NTM: variants seen among roughly 807,000 people sequenced by gnomAD.
The protein encoded by NTM is neurotrimin, also known as IgLON family member 2.
In NTM, 13 loss-of-function variants were observed where a neutral mutation model predicts 42.1. The observed-to-expected ratio is 0.31, with a 90% CI of 0.20 to 0.49. The LOEUF (loss-of-function observed/expected upper bound fraction) is 0.49. Among genes scored for constraint, NTM ranks in the 20% least tolerant of loss-of-function variants. NTM has a pLI of 0.99. For synonymous variants in NTM, 187 were observed against 179.2 expected, an observed-to-expected ratio of 1.04 and a Z score of -0.35; for missense variants, 373 against 452.8, an observed-to-expected ratio of 0.82 and a Z score of 1.60.
At chr11:132,317,619 C>A (rs191453047) in intron 7 of NTM, 2 of 1,274,850 alleles carry the variant, frequency 1.6e-6, no homozygotes, top group Admixed American at 2.3e-5. Flanking sequence ...TGTTTGTTCT[C>A]ATTTTTCTCT....
intron 3 of NTM, among the ~76,000 whole-genome samples, chr11:132,147,631 G>T (rs751552771): frequency 2.0e-5 from 3 of 151,948 alleles, no homozygotes; most frequent in Admixed American, 2.0e-4. Context: ...ATCTTATTTT[G>T]TGATGTCAGC....
chr11:131,669,858 G>A (rs1284924099), intron 1 of NTM, among the ~76,000 whole-genome samples: 3 of 152,206 alleles, frequency 2.0e-5, no homozygotes, highest in South Asian at 2.1e-4. Flanking sequence ...CGGCTTAGAA[G>A]GTCCCAGCTT....
chr11:132,028,394 G>T (rs564420711), intron 2 of NTM, among the ~76,000 whole-genome samples: 53 of 152,078 alleles, frequency 3.5e-4, no homozygotes, highest in African/African-American at 1.1e-3. Context: ...TGTAATTATT[G>T]CTTGTTGTAA....
intron 2 of NTM, among the ~76,000 whole-genome samples, chr11:132,071,893 T>A (rs2057727620): frequency 6.6e-6 from 1 of 152,168 alleles, no homozygotes. Flanking sequence ...TCCTTGACGG[T>A]GGATCTAATA....
intron 6 of NTM, 25 bp downstream of exon 6, chr11:132,310,257 C>CACCCCT (rs781132873): frequency 1.9e-6 from 3 of 1,553,986 alleles, no homozygotes; most frequent in Non-Finnish European, 2.6e-6. Flanking sequence ...TTTCCTATCC[C>CACCCCT]ACCCCTACCC....
intron 4 of NTM, among the ~76,000 whole-genome samples, chr11:132,300,141 A>G (rs1032793830): frequency 5.9e-5 from 9 of 152,080 alleles, no homozygotes; most frequent in African/African-American, 2.2e-4. Context: ...TGTAAGATTT[A>G]TTATTATTAA....
At chr11:132,104,854 G>A (rs2062094605) in intron 2 of NTM, among the ~76,000 whole-genome samples, 1 of 147,200 alleles carries the variant, frequency 6.8e-6, no homozygotes, top group African/African-American at 2.5e-5. Flanking sequence ...GCAGTGAGCT[G>A]TGATTGTGGC....
intron 1 of NTM, among the ~76,000 whole-genome samples, chr11:131,639,401 A>G (rs755169597): frequency 2.6e-5 from 4 of 152,236 alleles, no homozygotes; most frequent in African/African-American, 4.8e-5. Flanking sequence ...AGAATTTGAT[A>G]GTTGAAATGG....
chr11:131,766,816 AT>A lies in NTM; in HGVS notation c.83-144747del, dbSNP rs766091512. 7.9e-5 allele frequency among the ~76,000 whole-genome samples: 12 copies of A among 152,092 alleles called. No individual in the cohort carries two copies. The East Asian group carries it at 2.3e-3, about 29-fold the overall frequency. On this transcript the variant is annotated intron_variant, in intron 1 of 8. Transcript: ENST00000683400. ...AATCAGATTCTCTTCATTCTTACAC[AT>A]CCCATTTGAGTCACTGCCACGTGAG... is the stretch of plus-strand genomic sequence containing the variant.
intron 2 of NTM, among the ~76,000 whole-genome samples, chr11:132,089,350 C>G (rs115639834): frequency 0.014 from 2,131 of 152,282 alleles, 50 homozygotes; most frequent in African/African-American, 0.049. Flanking sequence ...AAAAATGCTT[C>G]AGGATCTTGC....
intron 1 of NTM, among the ~76,000 whole-genome samples, chr11:131,810,913 G>T (rs752124227): frequency 6.6e-6 from 1 of 152,168 alleles, no homozygotes; most frequent in Non-Finnish European, 1.5e-5. Flanking sequence ...TGATACACTG[G>T]TGTGTTGCAG....
In NTM at chr11:131,807,328, G is replaced by A. The variant is rs114376413; in HGVS notation, c.83-104236G>A. Among the ~76,000 whole-genome samples the A allele has an allele frequency of 3.0e-3, 463 of 152,280 alleles. 5 individuals are homozygous for A. Among genetic ancestry groups the A allele is most frequent in the African/African-American group, 0.011 (449 of 41,566 alleles). ...TTTTTTGAAAGCCATTCCGGCTGCC[G>A]TAGCATGAAAGTGGAGGGACTGGAG... is the stretch of plus-strand genomic sequence containing the variant. On this transcript the variant is annotated intron_variant, in intron 1 of 8. Transcript: ENST00000683400.
At position 132,120,540 on chromosome 11, in the gene NTM, A is replaced by G. The variant is rs554487920; in HGVS notation, c.168-25742A>G. Among the ~76,000 whole-genome samples the G allele has an allele frequency of 5.8e-4, 88 of 152,312 alleles. 2 individuals carry two copies. The highest frequency in any genetic ancestry group is 1.9e-3 in the African/African-American group (81 of 41,570). The stretch of plus-strand genomic sequence containing the variant: ...GGACCAGACTATGACCAATGATTAA[A>G]TTTTGAATCACTCCATATAAAGAAT... On this transcript the variant is annotated intron_variant, in intron 2 of 8. Transcript: ENST00000683400.
At chr11:131,387,182 C>A (rs755984340) in intron 1 of NTM, among the ~76,000 whole-genome samples, 2 of 152,138 alleles carry the variant, frequency 1.3e-5, no homozygotes, top group South Asian at 4.1e-4. Context: ...TGAAAACTTT[C>A]GGCACTCAAT....
rs537461360 is a variant in NTM at position 132,333,633 on chromosome 11, G to A, written c.968-1413G>A. 5.8e-4 allele frequency among the ~76,000 whole-genome samples: 89 copies of A among 152,240 alleles called. 1 individual carries two copies. In the South Asian group the frequency reaches 0.017, roughly 29 times the overall value. On this transcript the variant is annotated intron_variant, in intron 8 of 8. Transcript: ENST00000683400. ...TTTTGTGTTTTCTCCTTAATGCAGG[G>A]TAGAGAGAATAAGTATCCCCTGGGC...
chr11:132,277,217 G>A (rs117798680), intron 4 of NTM, among the ~76,000 whole-genome samples: 29 of 152,154 alleles, frequency 1.9e-4, no homozygotes, highest in Non-Finnish European at 3.2e-4. Flanking sequence ...TTTTTGCCTT[G>A]TTTCTTATAT....
intron 3 of NTM, among the ~76,000 whole-genome samples, chr11:132,161,969 G>T (rs2074383176): frequency 6.6e-6 from 1 of 152,156 alleles, no homozygotes; most frequent in Admixed American, 6.5e-5. Context: ...TTCCCTTAGG[G>T]AACCCACATC....
intron 4 of NTM, among the ~76,000 whole-genome samples, chr11:132,273,677 T>A (rs965066715): frequency 2.0e-5 from 3 of 152,078 alleles, no homozygotes; most frequent in African/African-American, 7.2e-5. Context: ...GAGGCCGAGG[T>A]GGGCATATCA....
chr11:131,459,144 C>T (rs1318203775), intron 1 of NTM, among the ~76,000 whole-genome samples: 4 of 152,238 alleles, frequency 2.6e-5, no homozygotes, highest in Non-Finnish European at 5.9e-5. Context: ...GGGGTGCAGA[C>T]ATCTACGCCA....
Sources: allele counts gnomAD v4.1 joint callset (sites outside exome capture counted in the v4.1 genomes callset), GRCh38; gene constraint gnomAD v4.1.1; transcripts MANE v1.5; gene names NCBI Gene and HGNC (gene_info 2026-07-23, HGNC 2026-07-21).